Variants in ZNF439 observed in about 807,000 individuals in gnomAD.
The protein encoded by ZNF439 is zinc finger protein 439.
In ZNF439, 40 loss-of-function variants were observed where a neutral mutation model predicts 47.3. The observed-to-expected ratio is 0.85, with a 90% CI of 0.66 to 1.10. The LOEUF (loss-of-function observed/expected upper bound fraction) is 1.10. ZNF439 is among the 50% of genes least tolerant of loss of function. ZNF439 has a pLI of 0.00. For missense variants in ZNF439, 556 were observed against 601.1 expected (o/e 0.93, Z 0.78); for synonymous variants, 171 against 198.8 (o/e 0.86, Z 1.18).
chr19:11,853,689 C>G (rs1976310847), intron 1 of ZNF439, among the ~76,000 whole-genome samples: 1 of 152,146 alleles, frequency 6.6e-6, no homozygotes, highest in South Asian at 2.1e-4. Flanking sequence ...TGGTCACAAC[C>G]TTTGGGCCTT....
Position 11,866,243 on chromosome 19 carries a change from C to T in ZNF439, c.102C>T (p.Thr34=). 6.2e-7 allele frequency: 1 copy of T among 1,614,064 alleles called. No individual in the cohort carries two copies. The highest frequency in any genetic ancestry group is 1.6e-4 in the Middle Eastern group (1 of 6,062). The change falls in exon 2 of 4, where the codon ACC becomes ACT. Residue 34 remains threonine, a synonymous_variant. Transcript: ENST00000682736. ...VAFKDVAVNF[T]QEEWALLDIS... is the part of the protein sequence containing the mutation. ...TTAAGGATGTGGCTGTGAACTTCAC[C>T]CAGGAGGAGTGGGCTTTGCTGGATA...
At position 11,851,427 on chromosome 19, in the gene ZNF439, G is replaced by A. The variant is rs373479285; in HGVS notation, c.63+2497G>A. Among the ~76,000 whole-genome samples, 4 of 152,190 alleles carry A rather than the reference G, an allele frequency of 2.6e-5. No homozygotes were observed. The East Asian group carries it at 7.7e-4, about 29-fold the overall frequency. ...ACATCGGGACATTCTGTCGTTGTGG[G>A]AGTGTAAGGATACTTGCAGGCATCT... On this transcript the variant is annotated intron_variant, in intron 1 of 3. Transcript: ENST00000682736.
In ZNF439 at chr19:11,866,249, G is replaced by T; in HGVS notation, c.108G>T (p.Glu36Asp). ...ATGTGGCTGTGAACTTCACCCAGGAGGAGTGGGCTTTGCTGGATATTTCCC... is the reference window on the plus strand; with the variant it reads ...ATGTGGCTGTGAACTTCACCCAGGATGAGTGGGCTTTGCTGGATATTTCCC... ...FKDVAVNFTQ[E>D]EWALLDISQK... The change falls in exon 2 of 4, where the codon GAG becomes GAT. Residue 36 changes from glutamate to aspartate, a missense_variant. Transcript: ENST00000682736. The T allele has an allele frequency of 1.2e-6, 2 of 1,614,130 alleles. No homozygotes were observed. The highest frequency in any genetic ancestry group is 1.7e-6 in the Non-Finnish European group (2 of 1,180,014).
chr19:11,850,657 G>A (rs1344100158), intron 1 of ZNF439: 3 of 152,154 alleles, frequency 2.0e-5, no homozygotes, highest in African/African-American at 7.2e-5. Context: ...GTCCTGATCA[G>A]ACCCCAAGAG....
chr19:11,848,982 G>A (rs961149918), intron 1 of ZNF439, 52 bp downstream of exon 1: 52 of 1,480,380 alleles, frequency 3.5e-5, no homozygotes, highest in Middle Eastern at 2.5e-4. Context: ...GCCTGGAACT[G>A]GCGGGACCCG....
intron 1 of ZNF439, chr19:11,849,687 G>A (rs761061455): frequency 3.3e-5 from 5 of 152,222 alleles, no homozygotes; most frequent in Non-Finnish European, 5.9e-5. Context: ...GTGAAGCTTT[G>A]TCTAAAGTTT....
Position 11,868,466 on chromosome 19 carries a change from A to G in ZNF439, c.1412A>G (p.Tyr471Cys), listed in dbSNP as rs1173332988. 6 of 1,613,782 alleles carry G rather than the reference A, an allele frequency of 3.7e-6. No homozygotes were observed. Among genetic ancestry groups the G allele is most frequent in the South Asian group, 1.1e-5 (1 of 91,086 alleles). The change falls in exon 4 of 4, where the codon TAT (tyrosine) becomes TGT (cysteine). Residue 471 changes from tyrosine to cysteine, a missense_variant. Physicochemically the swap from Tyr to Cys is radical, Grantham distance 194 (BLOSUM62 -2). Transcript: ENST00000682736. The part of the protein sequence containing the change: ...HRRIHTGEKP[Y>C]ECKKCGKAFR... ...AGGATTCACACTGGAGAGAAACCCT[A>G]TGAATGTAAGAAATGTGGGAAAGCC...
At chr19:11,854,627 G>A (rs921614148) in intron 1 of ZNF439, among the ~76,000 whole-genome samples, 3 of 151,994 alleles carry the variant, frequency 2.0e-5, no homozygotes, top group South Asian at 2.1e-4. Context: ...GCATGGTGGC[G>A]GGCACCTGTA....
intron 1 of ZNF439, among the ~76,000 whole-genome samples, chr19:11,863,048 T>G (rs1909468299): frequency 6.6e-6 from 1 of 152,080 alleles, no homozygotes; most frequent in African/African-American, 2.4e-5. Context: ...GTGCCCAGCC[T>G]GTTTTCATTT....
chr19:11,868,425 A>G lies in ZNF439; in HGVS notation c.1371A>G (p.Gln457=), dbSNP rs778769976. The part of the protein sequence containing the change: ...ECGKAFRSAS[Q]LRIHRRIHTG... ...GGAAAGCTTTCAGATCTGCCTCACA[A>G]CTTCGAATCCATCGTAGGATTCACA... is the stretch of plus-strand genomic sequence containing the variant. Residue 457 remains glutamine, a synonymous_variant, in exon 4 of 4, where the codon CAA becomes CAG. Transcript: ENST00000682736. 6.2e-7 allele frequency: 1 copy of G among 1,613,282 alleles called. No homozygotes were observed. The highest frequency in any genetic ancestry group is 1.7e-5 in the Admixed American group (1 of 59,940).
At chr19:11,866,747 G>A (rs749998470) in intron 3 of ZNF439, 150 bp downstream of exon 3, 17 of 887,136 alleles carry the variant, frequency 1.9e-5, no homozygotes, top group Non-Finnish European at 2.8e-5. Flanking sequence ...ATTTAAATGT[G>A]ATCAAGGCTG....
In ZNF439 at chr19:11,868,791, A is replaced by G; in HGVS notation, c.*222A>G. On this transcript the variant is annotated 3_prime_UTR_variant, in exon 4 of 4. Transcript: ENST00000682736. ...TGTCAAGAACCTTTCAATTTATGAA[A>G]GGACACACACTGGAGAGAAACCCTA... is the stretch of plus-strand genomic sequence containing the variant. 2 of 628,708 alleles carry G rather than the reference A, an allele frequency of 3.2e-6. No homozygotes were observed. Among genetic ancestry groups the G allele is most frequent in the Non-Finnish European group, 5.8e-6 (2 of 345,486 alleles). 38.9% of individuals were successfully genotyped at this position (628,708 alleles called of 1,614,324 possible). A position where few individuals can be genotyped will look rare whatever the true frequency, so the allele number is the denominator to read the frequency against.
chr19:11,867,568 TTCA>T lies in ZNF439; in HGVS notation c.515_517del (p.Phe172_Arg173delinsTer), dbSNP rs1976725101. The T allele has an allele frequency of 3.7e-6, 6 of 1,613,988 alleles. No homozygotes were observed. In the African/African-American group the frequency reaches 6.7e-5, roughly 18 times the overall value. On this transcript the variant is annotated stop_gained and inframe_deletion, in exon 4 of 4. Coordinates refer to ENST00000682736, the MANE Select transcript of ZNF439 (RefSeq NM_001348719.2). LOFTEE classifies it high-confidence loss of function. ...GAAGAGTCAACAACCTAAAAAAGCC[TTCA>T]GATATCACCCCTCCTTGAGAACACA...
intron 1 of ZNF439, among the ~76,000 whole-genome samples, chr19:11,864,996 T>C (rs1391969025): frequency 1.3e-5 from 2 of 152,150 alleles, no homozygotes; most frequent in African/African-American, 4.8e-5. Flanking sequence ...GTCACACTGG[T>C]CTTGAACTCC....
intron 1 of ZNF439, among the ~76,000 whole-genome samples, chr19:11,852,005 C>T (rs1371015201): frequency 6.6e-6 from 1 of 152,134 alleles, no homozygotes; most frequent in Non-Finnish European, 1.5e-5. Flanking sequence ...TCTTTTCTTT[C>T]TAGCTGGTTT....
chr19:11,852,245 A>ACCCTC (rs1050323854), intron 1 of ZNF439, among the ~76,000 whole-genome samples: 7 of 152,064 alleles, frequency 4.6e-5, no homozygotes, highest in Admixed American at 1.3e-4. Context: ...ACATAGTGAG[A>ACCCTC]CCCCCCATCT....
At chr19:11,858,483 A>T (rs559878611) in intron 1 of ZNF439, among the ~76,000 whole-genome samples, 1 of 108,130 alleles carries the variant, frequency 9.2e-6, no homozygotes, top group Admixed American at 8.6e-5. Context: ...AAAAAAAAAA[A>T]GGGGGTCTAT....
intron 1 of ZNF439, chr19:11,856,557 C>T (rs1439247747): frequency 1.3e-5 from 2 of 152,328 alleles, no homozygotes; most frequent in East Asian, 1.9e-4. Flanking sequence ...CTAAGCTTGC[C>T]AAAGGCTGCT....
Position 11,868,972 on chromosome 19 carries a change from G to T in ZNF439, c.*403G>T. 3.3e-6 allele frequency: 1 copy of T among 304,642 alleles called. No homozygotes were observed. The allele number at this position is 304,642 out of a possible 1,614,324, so 18.9% of individuals were successfully genotyped here. A position where few individuals can be genotyped will look rare whatever the true frequency, so the allele number is the denominator to read the frequency against. ...GAATACATGCAAAACACACACTGGA[G>T]AGAAACCTATGAATGTAAGGAATGC... On this transcript the variant is annotated 3_prime_UTR_variant, in exon 4 of 4. Coordinates refer to ENST00000682736, the MANE Select transcript of ZNF439 (RefSeq NM_001348719.2).
Sources: gnomAD v4.1 joint callset for allele counts (sites outside exome capture counted in the v4.1 genomes callset) on GRCh38, gnomAD v4.1.1 for gene constraint, MANE v1.5 for transcripts, NCBI Gene and HGNC (gene_info 2026-07-23, HGNC 2026-07-21) for gene names.